The following MBOAT7 variants were observed in gnomAD, a reference collection of about 807,000 sequenced individuals.
The protein encoded by MBOAT7 is membrane-bound acylglycerophosphatidylinositol O-acyltransferase MBOAT7.
Under a neutral mutation model 47.4 loss-of-function variants are expected in MBOAT7, and 40 were observed. The ratio of observed to expected loss-of-function variants is 0.84; its 90% CI spans 0.66 to 1.10. The LOEUF is 1.10. MBOAT7 is among the 50% of genes least tolerant of loss of function. The probability of loss-of-function intolerance (pLI) is 0.00; values close to 1 mark genes in which losing one functional copy is unlikely to be tolerated. For synonymous variants in MBOAT7, 361 were observed against 292.0 expected (o/e 1.24, Z -2.41); for missense variants, 680 against 655.6 (o/e 1.04, Z -0.41).
rs1454077172 is a variant in MBOAT7 at position 54,188,459 on chromosome 19, G to A, written c.50C>T (p.Pro17Leu). 1 of 1,557,690 alleles carries A rather than the reference G, an allele frequency of 6.4e-7. No individual in the cohort carries two copies. Among genetic ancestry groups the A allele is most frequent in the Non-Finnish European group, 8.7e-7 (1 of 1,149,852 alleles). ...GGCTTTCTTAAAGAGGAAGCCGATG[G>A]GGATGGAGATAAGAAGAACCACTAG... Reference protein sequence around the residue: ...TYLVVLLISIPIGFLFKKAGP... With the variant: ...TYLVVLLISILIGFLFKKAGP... Residue 17 changes from proline to leucine, a missense_variant, in exon 2 of 8, where the codon CCC (proline) becomes CTC (leucine). Physicochemically the swap from Pro to Leu is moderately conservative, Grantham distance 98. Transcript: ENST00000245615.
intron 5 of MBOAT7, among the ~76,000 whole-genome samples, chr19:54,181,725 G>GGGAA (rs1354395161): frequency 0.012 from 400 of 34,516 alleles, 36 homozygotes; most frequent in Non-Finnish European, 0.018. Context: ...GAGGGAAGGA[G>GGGAA]GGAAGGAAGG....
At chr19:54,188,069 G>GGA (rs2076500584) in intron 3 of MBOAT7, 148 bp downstream of exon 3, 2 of 200,042 alleles carry the variant, frequency 1.0e-5, no homozygotes, top group Admixed American at 9.2e-5. Flanking sequence ...AAGAAAGAAA[G>GGA]ACAAACAAAC....
At position 54,180,432 on chromosome 19, in the gene MBOAT7, C is replaced by T. The variant is rs2076230213; in HGVS notation, c.854+341G>A. Reference sequence around the variant, plus strand: ...ACCCACCACTAGCAAAGGATGGCATCCCCAGCAAGCAGGAACAATCTGGTT... The same window carrying T: ...ACCCACCACTAGCAAAGGATGGCATTCCCAGCAAGCAGGAACAATCTGGTT... On this transcript the variant is annotated intron_variant, in intron 6 of 7. Coordinates refer to ENST00000245615, the MANE Select transcript of MBOAT7 (RefSeq NM_024298.5). The surrounding 1 kb of genome is among the most constrained non-coding windows in gnomAD (Gnocchi z 5.2). 1 of 214,868 alleles carries T rather than the reference C, an allele frequency of 4.7e-6. No individual in the cohort carries two copies. Among genetic ancestry groups the T allele is most frequent in the African/African-American group, 2.3e-5 (1 of 43,384 alleles). 13.3% of individuals were successfully genotyped at this position (214,868 alleles called of 1,614,324 possible).
chr19:54,180,820 T>A lies in MBOAT7; in HGVS notation c.807A>T (p.Lys269Asn). The change falls in exon 6 of 8, where the codon AAA becomes AAT. Residue 269 changes from lysine to asparagine, a missense_variant. Physicochemically the swap from Lys to Asn is moderately conservative, Grantham distance 94 (BLOSUM62 0). Coordinates refer to ENST00000245615, the MANE Select transcript of MBOAT7 (RefSeq NM_024298.5). This position sits in a 1 kb window ranked among gnomAD's most constrained non-coding sequence, Gnocchi z 5.2. ...GGGTGGGGCCGCCTCCGGCCCGGGC[T>A]TTGGCGGCCACGGGGTAGGCCCCAA... ...AGFGAYPVAAKARAGGGPTLQ... is the reference protein window; with the variant it reads ...AGFGAYPVAANARAGGGPTLQ... The A allele has an allele frequency of 6.4e-7, 1 of 1,564,012 alleles. No homozygotes were observed. The highest frequency in any genetic ancestry group is 8.6e-7 in the Non-Finnish European group (1 of 1,159,242).
At position 54,174,035 on chromosome 19, in the gene MBOAT7, C is replaced by T. The variant is rs767033347; in HGVS notation, c.*9G>A. The T allele has an allele frequency of 4.5e-6, 7 of 1,565,678 alleles. No homozygotes were observed. Among genetic ancestry groups the T allele is most frequent in the African/African-American group, 2.8e-5 (2 of 72,524 alleles). ...CGGGACCAGCTGGCAGAGGGAGCGT[C>T]GTGACAGCTTACTCCTCCCGGAGCT... On this transcript the variant is annotated 3_prime_UTR_variant, in exon 8 of 8. Coordinates refer to ENST00000245615, the MANE Select transcript of MBOAT7 (RefSeq NM_024298.5).
At position 54,174,279 on chromosome 19, in the gene MBOAT7, C is replaced by A. The variant is rs2076009176; in HGVS notation, c.1184G>T (p.Trp395Leu). Residue 395 changes from tryptophan to leucine, a missense_variant, in exon 8 of 8, where the codon TGG (tryptophan) becomes TTG (leucine). Coordinates refer to ENST00000245615, the MANE Select transcript of MBOAT7 (RefSeq NM_024298.5). Reference protein sequence around the residue: ...GRLSPGGQKAWDWVHWFLKMR... With the variant: ...GRLSPGGQKALDWVHWFLKMR... ...CTTCAGGAACCAGTGCACCCAGTCC[C>A]AGGCCTTCTGGCCCCCTGGGCTCAG... 1 of 1,612,818 alleles carries A rather than the reference C, an allele frequency of 6.2e-7. No individual in the cohort carries two copies. Among genetic ancestry groups the A allele is most frequent in the Non-Finnish European group, 8.5e-7 (1 of 1,179,294 alleles).
chr19:54,173,689 A>G lies in MBOAT7; in HGVS notation c.*355T>C. The stretch of plus-strand genomic sequence containing the variant: ...TTCCCACTCCCAGGACCTGCCCCCA[A>G]GCTCCGACCCCACATTGTGGATGCA... On this transcript the variant is annotated 3_prime_UTR_variant, in exon 8 of 8. Transcript: ENST00000245615. 3.6e-6 allele frequency: 1 copy of G among 277,018 alleles called. No individual in the cohort carries two copies. The highest frequency in any genetic ancestry group is 6.8e-6 in the Non-Finnish European group (1 of 147,868). 17.2% of individuals were successfully genotyped at this position (277,018 alleles called of 1,614,324 possible). A position where few individuals can be genotyped will look rare whatever the true frequency, so the allele number is the denominator to read the frequency against.
At chr19:54,178,004 G>A (rs976542612) in intron 7 of MBOAT7, among the ~76,000 whole-genome samples, 71 of 134,824 alleles carry the variant, frequency 5.3e-4, no homozygotes, top group Non-Finnish European at 4.0e-4. Context: ...TCTGCCTCCC[G>A]GGTTCAAGCC....
In MBOAT7 at chr19:54,173,917, A is replaced by G. The variant is rs1487111594; in HGVS notation, c.*127T>C. ...GGTCTGCTTCAGTTGCAGGCAGGGT[A>G]TTTAGCTGGGGAAGAGGAAATTCTC... On this transcript the variant is annotated 3_prime_UTR_variant, in exon 8 of 8. Coordinates refer to ENST00000245615, the MANE Select transcript of MBOAT7 (RefSeq NM_024298.5). The G allele has an allele frequency of 8.3e-7, 1 of 1,201,520 alleles. No individual in the cohort carries two copies. The highest frequency in any genetic ancestry group is 1.1e-6 in the Non-Finnish European group (1 of 889,700). The allele number at this position is 1,201,520 out of a possible 1,614,324, so 74.4% of individuals were successfully genotyped here.
chr19:54,178,986 C>T, intron 6 of MBOAT7, 45 bp from the exon 7 acceptor site: 1 of 1,600,666 alleles, frequency 6.2e-7, no homozygotes, highest in Non-Finnish European at 8.5e-7. Context: ...TGCAGCTCAG[C>T]CAGGCCCCCT....
rs764225478 is a variant in MBOAT7, at chr19:54,188,239, C to T, written c.184G>A (p.Ala62Thr). 1 of 1,613,286 alleles carries T rather than the reference C, an allele frequency of 6.2e-7. No individual in the cohort carries two copies. Among genetic ancestry groups the T allele is most frequent in the South Asian group, 1.1e-5 (1 of 90,976 alleles). ...CACCAGGGCTGGGCCTGAATGAGGGCCCAGGTCCCGAGGATGGTGACCAGA... is the reference window on the plus strand; with the variant it reads ...CACCAGGGCTGGGCCTGAATGAGGGTCCAGGTCCCGAGGATGGTGACCAGA... ...HSLVTILGTW[A>T]LIQAQPCSCH... is the part of the protein sequence containing the mutation. Residue 62 changes from alanine to threonine, a missense_variant, in exon 3 of 8, where the codon GCC becomes ACC. Ala to Thr is a moderately conservative substitution (Grantham distance 58). Coordinates refer to ENST00000245615, the MANE Select transcript of MBOAT7 (RefSeq NM_024298.5).
chr19:54,183,718 T>C (rs2076351917), intron 4 of MBOAT7, 38 bp from the exon 5 acceptor site: 1 of 1,495,614 alleles, frequency 6.7e-7, no homozygotes, highest in East Asian at 2.5e-5. Flanking sequence ...CAGGTCAGAC[T>C]CTGGGCCCTT....
At chr19:54,188,967 A>T (rs538669241) in intron 1 of MBOAT7, among the ~76,000 whole-genome samples, 12 of 146,086 alleles carry the variant, frequency 8.2e-5, no homozygotes, top group Admixed American at 4.7e-4. Flanking sequence ...GCGAGGATCC[A>T]GGAACCCAGA....
At chr19:54,182,443 G>C (rs2076313415) in intron 5 of MBOAT7, among the ~76,000 whole-genome samples, 3 of 151,518 alleles carry the variant, frequency 2.0e-5, no homozygotes, top group Admixed American at 1.3e-4. Flanking sequence ...ACTACACAGT[G>C]GTCATGTCTG....
chr19:54,185,959 G>A (rs1417873034), intron 4 of MBOAT7, among the ~76,000 whole-genome samples: 1 of 150,394 alleles, frequency 6.6e-6, no homozygotes, highest in Admixed American at 6.8e-5. Flanking sequence ...GCCTCCCAAA[G>A]TGCTGGGATT....
chr19:54,184,953 T>TA (rs2076391806), intron 4 of MBOAT7, among the ~76,000 whole-genome samples: 1 of 147,390 alleles, frequency 6.8e-6, no homozygotes, highest in Non-Finnish European at 1.5e-5. Flanking sequence ...CTCACACCTA[T>TA]AACACTAGCA....
chr19:54,177,203 C>T (rs570637478), intron 7 of MBOAT7, among the ~76,000 whole-genome samples: 1 of 116,488 alleles, frequency 8.6e-6, no homozygotes, highest in Non-Finnish European at 1.8e-5. Context: ...CCTTCTTACT[C>T]CCAAAACTTA....
At chr19:54,184,189 A>T (rs1158482381) in intron 4 of MBOAT7, among the ~76,000 whole-genome samples, 1 of 66,676 alleles carries the variant, frequency 1.5e-5, no homozygotes, top group African/African-American at 5.8e-5. Flanking sequence ...TTTTGAGACA[A>T]GTTTTGCTCT....
chr19:54,186,964 G>C, intron 4 of MBOAT7, 197 bp downstream of exon 4: 1 of 650,826 alleles, frequency 1.5e-6, no homozygotes, highest in Non-Finnish European at 2.6e-6. Flanking sequence ...CTCACCCCAG[G>C]AGGAGCTGGG....
Sources: allele counts gnomAD v4.1 joint callset (sites outside exome capture counted in the v4.1 genomes callset), GRCh38; gene constraint gnomAD v4.1.1; non-coding constraint Gnocchi (gnomAD v3.1); transcripts MANE v1.5; gene names NCBI Gene and HGNC (gene_info 2026-07-23, HGNC 2026-07-21).